Variants in KREMEN1 observed in about 807,000 individuals in gnomAD.
KREMEN1 encodes the protein kringle containing transmembrane protein 1.
Under a neutral mutation model 46.5 loss-of-function variants are expected in KREMEN1, and 30 were observed. The ratio of observed to expected loss-of-function variants is 0.65; its 90% confidence interval spans 0.48 to 0.88. The LOEUF is 0.88. Among genes scored for constraint, KREMEN1 ranks in the 40% least tolerant of loss-of-function variants. The probability of loss-of-function intolerance (pLI) is 0.00; values close to 1 mark genes in which losing one functional copy is unlikely to be tolerated. For missense variants in KREMEN1, 533 were observed against 596.9 expected, an observed-to-expected ratio of 0.89 and a Z score of 1.11; for synonymous variants, 214 against 230.6, an observed-to-expected ratio of 0.93 and a Z score of 0.65.
chr22:29,163,907 C>T (rs1213382103), intron 9 of KREMEN1, among the ~76,000 whole-genome samples: 1 of 151,972 alleles, frequency 6.6e-6, no homozygotes, highest in Non-Finnish European at 1.5e-5. Flanking sequence ...CGTATGTACG[C>T]CCTACATCTA....
chr22:29,079,669 G>C (rs2037625008), intron 1 of KREMEN1, among the ~76,000 whole-genome samples: 1 of 152,218 alleles, frequency 6.6e-6, no homozygotes, highest in African/African-American at 2.4e-5. Context: ...CTAGGAAATA[G>C]TAAAAACAGT....
chr22:29,130,079 A>AACATTTATCATTG (rs1183058006), intron 5 of KREMEN1, among the ~76,000 whole-genome samples: 1 of 152,208 alleles, frequency 6.6e-6, no homozygotes, highest in African/African-American at 2.4e-5. Flanking sequence ...GCATTAGTTG[A>AACATTTATCATTG]ACATTTATCA....
chr22:29,096,241 TC>T (rs1327911197), intron 2 of KREMEN1, among the ~76,000 whole-genome samples: 1 of 152,196 alleles, frequency 6.6e-6, no homozygotes, highest in East Asian at 1.9e-4. Context: ...TTTTTGTTTT[TC>T]CATAGTTGCT....
At chr22:29,117,141 G>A (rs1257245637) in intron 3 of KREMEN1, among the ~76,000 whole-genome samples, 1 of 152,142 alleles carries the variant, frequency 6.6e-6, no homozygotes, top group Admixed American at 6.5e-5. Flanking sequence ...ATTAAAACGT[G>A]TGTGTGTCTG....
At chr22:29,140,436 A>G (rs2038744377) in intron 8 of KREMEN1, 70 bp downstream of exon 8, 2 of 1,153,062 alleles carry the variant, frequency 1.7e-6, no homozygotes. Context: ...ATGATGCTTC[A>G]TTTGTCTGGT....
Position 29,099,547 on chromosome 22 carries a change from C to CTTTTTTTT in KREMEN1, c.352+609_352+616dup, listed in dbSNP as rs56950687. The stretch of plus-strand genomic sequence containing the variant: ...TTTATTCCCGTATTCACTTTTTTTC[C>CTTTTTTTT]TTTTTTTTTTTTTTTTTTTTTTGTG... On this transcript the variant is annotated intron_variant, in intron 3 of 8. Transcript: ENST00000400335. 8.2e-4 allele frequency: 89 copies of CTTTTTTTT among 108,796 alleles called. 2 individuals are homozygous for CTTTTTTTT. Among genetic ancestry groups the CTTTTTTTT allele is most frequent in the Middle Eastern group, 5.9e-3 (1 of 170 alleles). The allele number at this position is 108,796 out of a possible 1,614,324, so 6.7% of individuals were successfully genotyped here. A position where few individuals can be genotyped will look rare whatever the true frequency, so the allele number is the denominator to read the frequency against.
intron 1 of KREMEN1, among the ~76,000 whole-genome samples, chr22:29,089,567 C>T (rs1173478253): frequency 2.0e-5 from 3 of 151,768 alleles, no homozygotes; most frequent in African/African-American, 7.3e-5. Context: ...CACCCAACAG[C>T]TAGACAATTC....
At chr22:29,155,908 G>A (rs2038956894) in intron 9 of KREMEN1, among the ~76,000 whole-genome samples, 3 of 151,656 alleles carry the variant, frequency 2.0e-5, no homozygotes, top group Admixed American at 2.0e-4. Flanking sequence ...GCAGTGAACT[G>A]AGACGGTGCC....
In KREMEN1 at chr22:29,131,694, ATATGTG is replaced by A. The variant is rs1311790136; in HGVS notation, c.632-5644_632-5639del. Among the ~76,000 whole-genome samples the A allele has an allele frequency of 4.9e-4, 60 of 122,036 alleles. 1 individual carries two copies. The highest frequency in any genetic ancestry group is 1.9e-3 in the African/African-American group (56 of 29,840). The allele number at this position is 122,036 out of a possible 152,430, so 80.1% of individuals were successfully genotyped here. A position where few individuals can be genotyped will look rare whatever the true frequency, so the allele number is the denominator to read the frequency against. ...TATATATATGCATATATACATGTAT[ATATGTG>A]TATATATATGTATATATGTATATAT... is the stretch of plus-strand genomic sequence containing the variant. On this transcript the variant is annotated intron_variant, in intron 5 of 8. Transcript: ENST00000400335.
intron 3 of KREMEN1, among the ~76,000 whole-genome samples, chr22:29,104,152 T>C (rs1274972213): frequency 4.0e-5 from 6 of 150,778 alleles, no homozygotes; most frequent in African/African-American, 1.5e-4. Context: ...TTAACCTAAA[T>C]TGTAATTTTT....
At position 29,145,533 on chromosome 22, in the gene KREMEN1, G is replaced by A. The variant is rs778979410; in HGVS notation, c.*3421G>A. 5.7e-4 allele frequency: 559 copies of A among 985,540 alleles called. No individual in the cohort carries two copies. The highest frequency in any genetic ancestry group is 6.8e-4 in the East Asian group (6 of 8,814). The allele number at this position is 985,540 out of a possible 1,614,324, so 61.0% of individuals were successfully genotyped here. A position where few individuals can be genotyped will look rare whatever the true frequency, so the allele number is the denominator to read the frequency against. ...TCACCAGCCGATCTTGTCACTCTCCGTGGTGACAGTGTCTTGGCCAGCTGT... is the reference window on the plus strand; with the variant it reads ...TCACCAGCCGATCTTGTCACTCTCCATGGTGACAGTGTCTTGGCCAGCTGT... On this transcript the variant is annotated 3_prime_UTR_variant, in exon 9 of 9. Coordinates refer to ENST00000400335, the MANE Select transcript of KREMEN1 (RefSeq NM_001039570.3).
chr22:29,107,203 C>T (rs134676), intron 3 of KREMEN1, among the ~76,000 whole-genome samples: 111,693 of 149,932 alleles, frequency 0.74, 42,297 homozygotes, highest in African/African-American at 0.87. Context: ...GACACATCCC[C>T]GTGTACCATT....
chr22:29,153,347 A>C (rs2038932795), intron 9 of KREMEN1, among the ~76,000 whole-genome samples: 1 of 152,078 alleles, frequency 6.6e-6, no homozygotes, highest in South Asian at 2.1e-4. Flanking sequence ...AGCTGGTCTC[A>C]GCCTCATTTT....
chr22:29,138,545 A>G (rs2038705358), intron 6 of KREMEN1, 79 bp from the exon 7 acceptor site: 7 of 1,400,612 alleles, frequency 5.0e-6, no homozygotes, highest in Middle Eastern at 4.6e-4. Flanking sequence ...ACTCTTCTTC[A>G]TAACTCGTGC....
chr22:29,125,480 C>T (rs1740909129), intron 5 of KREMEN1, 64 bp downstream of exon 5: 2 of 1,531,584 alleles, frequency 1.3e-6, no homozygotes, highest in African/African-American at 1.4e-5. Context: ...AGCAACAAGC[C>T]TGCCCACCCT....
chr22:29,084,892 C>T (rs1314687166), intron 1 of KREMEN1, among the ~76,000 whole-genome samples: 1 of 152,106 alleles, frequency 6.6e-6, no homozygotes, highest in Non-Finnish European at 1.5e-5. Flanking sequence ...ATGGCCTTTC[C>T]TTCCGTACTG....
chr22:29,097,291 A>G (rs2037896940), intron 2 of KREMEN1, among the ~76,000 whole-genome samples: 1 of 152,154 alleles, frequency 6.6e-6, no homozygotes. Flanking sequence ...AGCCCCTGCC[A>G]TTTTATTTAT....
chr22:29,140,173 C>A (rs2038737935), intron 7 of KREMEN1, 109 bp from the exon 8 acceptor site: 2 of 819,298 alleles, frequency 2.4e-6, no homozygotes, highest in Non-Finnish European at 4.1e-6. Context: ...CCCACACCGG[C>A]CTGCAGGGAG....
chr22:29,079,477 AT>A (rs1479570238), intron 1 of KREMEN1, among the ~76,000 whole-genome samples: 1 of 152,174 alleles, frequency 6.6e-6, no homozygotes, highest in Non-Finnish European at 1.5e-5. Context: ...TTAAACTTTT[AT>A]TGTTCAATTT....
Sources: allele counts gnomAD v4.1 joint callset (sites outside exome capture counted in the v4.1 genomes callset), GRCh38; gene constraint gnomAD v4.1.1; transcripts MANE v1.5; gene names NCBI Gene and HGNC (gene_info 2026-07-23, HGNC 2026-07-21).